Variants in BUB1 observed in about 807,000 individuals in gnomAD.
The protein encoded by BUB1 is BUB1 mitotic checkpoint serine/threonine kinase, also known as mitotic checkpoint serine/threonine-protein kinase BUB1.
A neutral mutation model predicts 135.2 loss-of-function variants in BUB1; 84 were observed. The observed-to-expected ratio is 0.62, with a 90% CI of 0.52 to 0.74. The LOEUF is 0.74. BUB1 is among the 30% of genes least tolerant of loss of function. BUB1 has a pLI of 0.00. For synonymous variants in BUB1, 403 were observed against 434.4 expected, an observed-to-expected ratio of 0.93 and a Z score of 0.90; for missense variants, 1,162 against 1,288.3, an observed-to-expected ratio of 0.90 and a Z score of 1.50.
At chr2:110,667,358 G>A (rs559448063) in intron 8 of BUB1, among the ~76,000 whole-genome samples, 163 bp downstream of exon 8, 2 of 152,092 alleles carry the variant, frequency 1.3e-5, no homozygotes, top group Non-Finnish European at 2.9e-5. Context: ...CGGGGCAAAC[G>A]CAAAATGGGT....
intron 17 of BUB1, 91 bp downstream of exon 17, chr2:110,653,345 C>A: frequency 7.5e-7 from 1 of 1,328,834 alleles, no homozygotes; most frequent in South Asian, 1.3e-5. Context: ...TATTCTATTA[C>A]AGCCTAAAAG....
At chr2:110,657,448 A>G in intron 14 of BUB1, 98 bp downstream of exon 14, 1 of 839,814 alleles carries the variant, frequency 1.2e-6, no homozygotes, top group Non-Finnish European at 1.8e-6. Context: ...TCATTTGACC[A>G]TGTGATTGGC....
Position 110,667,640 on chromosome 2 carries a change from A to G in BUB1, c.686T>C (p.Val229Ala), listed in dbSNP as rs750827119. The G allele has an allele frequency of 3.7e-6, 6 of 1,613,880 alleles. No individual in the cohort carries two copies. Among genetic ancestry groups the G allele is most frequent in the African/African-American group, 2.7e-5 (2 of 74,916 alleles). Residue 229 changes from valine to alanine, a missense_variant, in exon 8 of 25, where the codon GTT (valine) becomes GCT (alanine). Transcript: ENST00000302759. ...ATACATAACAACCTGCTCAACATCA[A>G]CTTTGGATGCCAAAGATGAGTGCAC... ...YSVHSSLASK[V>A]DVEQVVMYCK...
At chr2:110,649,186 T>C in intron 19 of BUB1, 48 bp downstream of exon 19, 1 of 1,563,370 alleles carries the variant, frequency 6.4e-7, no homozygotes, top group Non-Finnish European at 8.7e-7. Context: ...CATCAACTTC[T>C]CATAGAGAAA....
chr2:110,658,326 G>A (rs1461994676), intron 13 of BUB1, 84 bp downstream of exon 13: 6 of 1,116,810 alleles, frequency 5.4e-6, no homozygotes, highest in Non-Finnish European at 6.4e-6. Flanking sequence ...TCAAGGGCAG[G>A]GTCACCTCTT....
chr2:110,655,951 A>G, intron 15 of BUB1, 35 bp from the exon 16 acceptor site: 1 of 1,593,710 alleles, frequency 6.3e-7, no homozygotes, highest in Non-Finnish European at 8.6e-7. Flanking sequence ...AAAAGCAGCA[A>G]TCTCCCTCTT....
chr2:110,657,571 C>T lies in BUB1; in HGVS notation c.1591G>A (p.Glu531Lys). 6.2e-7 allele frequency: 1 copy of T among 1,606,820 alleles called. No homozygotes were observed. Among genetic ancestry groups the T allele is most frequent in the Non-Finnish European group, 8.5e-7 (1 of 1,176,642 alleles). ...CCATAATTTTCTTTGTTTCCATCTT[C>T]AAACACATGAAAAGCAGATGACAAA... ...SSLSSAFHVF[E>K]DGNKENYGLP... The change falls in exon 14 of 25, where the codon GAA (glutamate) becomes AAA (lysine). Residue 531 changes from glutamate (E) to lysine (K), a missense_variant. By Grantham distance (56) the Glu-to-Lys change is moderately conservative (BLOSUM62 1). Coordinates refer to ENST00000302759, the MANE Select transcript of BUB1 (RefSeq NM_004336.5).
At chr2:110,670,673 G>T in intron 4 of BUB1, 105 bp from the exon 5 acceptor site, 2 of 1,160,008 alleles carry the variant, frequency 1.7e-6, no homozygotes, top group Non-Finnish European at 1.3e-6. Flanking sequence ...AGCTAGTAAA[G>T]TCTGACGTCA....
chr2:110,653,673 T>G (rs562030177), intron 16 of BUB1, 150 bp from the exon 17 acceptor site: 9 of 698,532 alleles, frequency 1.3e-5, no homozygotes, highest in Admixed American at 5.9e-5. Context: ...AAATGTATAA[T>G]AAGATTAAAA....
intron 16 of BUB1, among the ~76,000 whole-genome samples, chr2:110,654,569 T>C (rs940547788): frequency 1.3e-5 from 2 of 152,100 alleles, no homozygotes; most frequent in Non-Finnish European, 2.9e-5. Context: ...ATAGCCAATA[T>C]TGACTTTTTG....
chr2:110,647,771 T>C (rs772209516), intron 19 of BUB1, among the ~76,000 whole-genome samples: 1 of 152,190 alleles, frequency 6.6e-6, no homozygotes, highest in Non-Finnish European at 1.5e-5. Flanking sequence ...ACTGAAGATA[T>C]ACTGATGGCA....
At chr2:110,653,570 G>A (rs1689839803) in intron 16 of BUB1, 47 bp from the exon 17 acceptor site, 1 of 1,468,248 alleles carries the variant, frequency 6.8e-7, no homozygotes, top group Non-Finnish European at 9.5e-7. Flanking sequence ...ATGCACATGT[G>A]TGCACAACAC....
At chr2:110,664,548 C>T (rs1226374225) in intron 9 of BUB1, among the ~76,000 whole-genome samples, 1 of 150,360 alleles carries the variant, frequency 6.7e-6, no homozygotes, top group Non-Finnish European at 1.5e-5. Context: ...ACCTCAAAAA[C>T]TAACCCCTCA....
At chr2:110,644,508 T>C (rs1203277810) in intron 19 of BUB1, among the ~76,000 whole-genome samples, 2 of 119,464 alleles carry the variant, frequency 1.7e-5, no homozygotes, top group Non-Finnish European at 3.5e-5. Context: ...ATTGAAGTAA[T>C]AATAGCAGAG....
At chr2:110,674,530 T>C (rs1690520181) in intron 1 of BUB1, among the ~76,000 whole-genome samples, 165 bp from the exon 2 acceptor site, 1 of 152,206 alleles carries the variant, frequency 6.6e-6, no homozygotes, top group Non-Finnish European at 1.5e-5. Context: ...AAATCTTAAA[T>C]ATCGATCCAA....
chr2:110,655,633 C>A, intron 16 of BUB1, 106 bp downstream of exon 16: 7 of 1,077,486 alleles, frequency 6.5e-6, no homozygotes, highest in South Asian at 2.4e-5. Flanking sequence ...TTCAAAGTTC[C>A]CATGTGGAAT....
intron 1 of BUB1, among the ~76,000 whole-genome samples, chr2:110,677,755 G>A (rs1015962020): frequency 6.6e-6 from 1 of 152,234 alleles, no homozygotes; most frequent in African/African-American, 2.4e-5. Context: ...CCACCGCGGC[G>A]CAGATGGGCG....
chr2:110,672,832 T>C lies in BUB1; in HGVS notation c.251A>G (p.Gln84Arg). 1 of 1,608,760 alleles carries C rather than the reference T, an allele frequency of 6.2e-7. No homozygotes were observed. The highest frequency in any genetic ancestry group is 8.5e-7 in the Non-Finnish European group (1 of 1,178,320). Residue 84 changes from glutamine (Q) to arginine (R), a missense_variant, in exon 4 of 25, where the codon CAA (glutamine) becomes CGA (arginine). By Grantham distance (43) the Gln-to-Arg change is conservative. Transcript: ENST00000302759. ...KFAEYNSDLH[Q>R]FFEFLYNHGI... Reference sequence around the variant, plus strand: ...ATGGTTGTACAGAAACTCAAAAAATTGATGGAGGTCACTGTTGTACTCAGC... The same window carrying C: ...ATGGTTGTACAGAAACTCAAAAAATCGATGGAGGTCACTGTTGTACTCAGC...
At position 110,658,406 on chromosome 2, in the gene BUB1, T is replaced by C. The variant is rs1359051273; in HGVS notation, c.1516+4A>G. On this transcript the variant is annotated splice_donor_region_variant and intron_variant, in intron 13 of 24. Coordinates refer to ENST00000302759, the MANE Select transcript of BUB1 (RefSeq NM_004336.5). ...GCACTTAGTAGCTTTTAAATAGTTATTACTTTGAAACTGGGCTTCAAATGC... is the reference window on the plus strand; with the variant it reads ...GCACTTAGTAGCTTTTAAATAGTTACTACTTTGAAACTGGGCTTCAAATGC... 5.6e-6 allele frequency: 9 copies of C among 1,604,128 alleles called. No homozygotes were observed. Among genetic ancestry groups the C allele is most frequent in the African/African-American group, 4.0e-5 (3 of 74,684 alleles).
Sources: allele counts gnomAD v4.1 joint callset (sites outside exome capture counted in the v4.1 genomes callset), GRCh38; gene constraint gnomAD v4.1.1; transcripts MANE v1.5; gene names NCBI Gene and HGNC (gene_info 2026-07-23, HGNC 2026-07-21).